The following NQO2 variants were observed in gnomAD, a reference collection of about 807,000 sequenced individuals.
NQO2 encodes ribosyldihydronicotinamide dehydrogenase [quinone].
In NQO2, 18 loss-of-function variants were observed where a neutral mutation model predicts 22.0. The ratio of observed to expected loss-of-function variants is 0.82; its 90% CI spans 0.56 to 1.21. The LOEUF is 1.21. Among genes scored for constraint, NQO2 ranks in the 50% most tolerant of loss-of-function variants. NQO2 has a pLI of 0.00. For missense variants in NQO2, 267 were observed against 286.9 expected (o/e 0.93, Z 0.50); for synonymous variants, 106 against 110.8 (o/e 0.96, Z 0.28).
At chr6:3,005,881 T>C (rs1417411411) in intron 1 of NQO2, 1 of 871,522 alleles carries the variant, frequency 1.1e-6, no homozygotes, top group Non-Finnish European at 1.4e-6. Context: ...GGCCCACAGC[T>C]ACAATGGGCA....
Position 3,015,392 on chromosome 6 carries a change from CATAAGGG to C in NQO2, c.304-137_304-131del. 3 of 1,469,910 alleles carry C rather than the reference CATAAGGG, an allele frequency of 2.0e-6. No individual in the cohort carries two copies. The Admixed American group carries it at 7.0e-5, about 34-fold the overall frequency. The allele number at this position is 1,469,910 out of a possible 1,614,324, so 91.1% of individuals were successfully genotyped here. On this transcript the variant is annotated intron_variant, in intron 4 of 6. Transcript: ENST00000380455. ...CCACACTGCACCTTTCAGAGCTGACCATAAGGGTTACCCTCACCTGCCCAGCTGCCAG... is the reference window on the plus strand; with the variant it reads ...CCACACTGCACCTTTCAGAGCTGACCTTACCCTCACCTGCCCAGCTGCCAG...
At chr6:3,015,718 T>C (rs1306288491) in intron 5 of NQO2, 75 bp downstream of exon 5, 20 of 1,384,846 alleles carry the variant, frequency 1.4e-5, no homozygotes, top group African/African-American at 2.9e-5. Context: ...TATCAAGTTA[T>C]ATTTCTAGTT....
chr6:3,003,885 G>GA (rs1756831935), intron 1 of NQO2: 1 of 152,566 alleles, frequency 6.6e-6, no homozygotes, highest in Non-Finnish European at 1.4e-5. Context: ...TTTCTGCATG[G>GA]AAAATACATA....
rs142443287 is a variant in NQO2, at chr6:3,004,634, C to G, written c.-85-1834C>G. ...CTGGAAGATGCTCATTCAGGCCCTG[C>G]TCAAGATTCCAGTCCTGGTGGGGAT... On this transcript the variant is annotated intron_variant, in intron 1 of 6. Coordinates refer to ENST00000380455, the MANE Select transcript of NQO2 (RefSeq NM_000904.6). 2.1e-4 allele frequency: 204 copies of G among 985,490 alleles called. No individual in the cohort carries two copies. In the African/African-American group the frequency reaches 3.4e-3, roughly 16 times the overall value. The allele number at this position is 985,490 out of a possible 1,614,324, so 61.0% of individuals were successfully genotyped here. A position where few individuals can be genotyped will look rare whatever the true frequency, so the allele number is the denominator to read the frequency against.
intron 4 of NQO2, among the ~76,000 whole-genome samples, chr6:3,013,843 G>A (rs1336693367): frequency 1.3e-5 from 2 of 152,150 alleles, no homozygotes; most frequent in Non-Finnish European, 2.9e-5. Flanking sequence ...TATTATAAGG[G>A]CTCTGGTCAC....
chr6:3,012,610 C>A lies in NQO2; in HGVS notation c.239C>A (p.Ser80Tyr), dbSNP rs915407088. ...ACCCACGAAGCCTACAAGCAAAGGT[C>A]TCTGGCTAGCGACATCACTGATGAG... Reference protein sequence around the residue: ...VETHEAYKQRSLASDITDEQK... With the variant: ...VETHEAYKQRYLASDITDEQK... The change falls in exon 4 of 7, where the codon TCT (serine) becomes TAT (tyrosine). Residue 80 changes from serine (S) to tyrosine (Y), a missense_variant. Ser to Tyr is a moderately radical substitution (Grantham distance 144). Transcript: ENST00000380455. The A allele has an allele frequency of 2.5e-6, 4 of 1,614,160 alleles. No individual in the cohort carries two copies. The highest frequency in any genetic ancestry group is 3.4e-6 in the Non-Finnish European group (4 of 1,180,030).
intron 1 of NQO2, among the ~76,000 whole-genome samples, chr6:3,000,519 C>A (rs998686694): frequency 6.6e-6 from 1 of 151,064 alleles, no homozygotes; most frequent in Non-Finnish European, 1.5e-5. Flanking sequence ...AACCTATAAT[C>A]TCTCTGGGAA....
chr6:3,004,624 T>C (rs1756874984), intron 1 of NQO2: 2 of 985,510 alleles, frequency 2.0e-6, no homozygotes, highest in Non-Finnish European at 2.4e-6. Context: ...AGATGCTCAT[T>C]CAGGCCCTGC....
intron 6 of NQO2, among the ~76,000 whole-genome samples, chr6:3,018,016 C>T (rs1757398669): frequency 1.3e-5 from 2 of 152,186 alleles, no homozygotes; most frequent in East Asian, 1.9e-4. Flanking sequence ...ACAGGCAGTG[C>T]ACATTGACTA....
At chr6:3,009,794 G>C (rs1295043142) in intron 2 of NQO2, 1 of 292,318 alleles carries the variant, frequency 3.4e-6, no homozygotes, top group African/African-American at 2.3e-5. Flanking sequence ...TTGAACCTGG[G>C]AGGCAGAGGT....
At chr6:3,013,254 C>T (rs9378759) in intron 4 of NQO2, among the ~76,000 whole-genome samples, 29,312 of 151,920 alleles carry the variant, frequency 0.19, 3,010 homozygotes, top group Non-Finnish European at 0.22. Context: ...CGCGCCCGGC[C>T]GATGTAACAC....
chr6:3,009,892 G>A, intron 2 of NQO2, 133 bp from the exon 3 acceptor site: 1 of 1,419,234 alleles, frequency 7.0e-7, no homozygotes, highest in Non-Finnish European at 9.2e-7. Context: ...GAGACAGAAA[G>A]AAAAGAAAAT....
rs771514536 is a variant in NQO2 at position 3,006,558 on chromosome 6, A to G, written c.6A>G (p.Ala2=). 52 of 1,607,686 alleles carry G rather than the reference A, an allele frequency of 3.2e-5. No individual in the cohort carries two copies. The highest frequency in any genetic ancestry group is 1.7e-4 in the Middle Eastern group (1 of 6,050). ...GGAATCCACCTTCTTACGCTATGGC[A>G]GGTAATGATTCACTATTGTGGAGTA... The part of the protein sequence containing the change: M[A]GKKVLIVYAH... Residue 2 remains alanine, a splice_region_variant and synonymous_variant, in exon 2 of 7, where the codon GCA becomes GCG. Transcript: ENST00000380455. This position sits in a 1 kb window ranked among gnomAD's most constrained non-coding sequence, Gnocchi z 4.0.
At chr6:3,002,583 T>A (rs1231284268) in intron 1 of NQO2, among the ~76,000 whole-genome samples, 1 of 152,024 alleles carries the variant, frequency 6.6e-6, no homozygotes, top group Non-Finnish European at 1.5e-5. Flanking sequence ...ATGCTGGGAT[T>A]ACAGGTGTGA....
At chr6:3,015,076 T>C (rs2113459153) in intron 4 of NQO2, 1 of 1,290,476 alleles carries the variant, frequency 7.7e-7, no homozygotes, top group African/African-American at 1.5e-5. Context: ...GTCTAAGGAA[T>C]ACAAACATGA....
intron 3 of NQO2, 42 bp downstream of exon 3, chr6:3,010,231 T>A (rs28383624): frequency 0.014 from 21,114 of 1,466,018 alleles, 304 homozygotes; most frequent in South Asian, 0.058. Context: ...AAACCATCTT[T>A]ATGTTTTTTA....
chr6:3,000,642 A>G (rs1254045488), intron 1 of NQO2, among the ~76,000 whole-genome samples: 3 of 151,678 alleles, frequency 2.0e-5, no homozygotes, highest in Non-Finnish European at 4.4e-5. Context: ...CCCGGGTTCA[A>G]GCAATTCTCC....
chr6:3,004,475 C>A (rs1445976290), intron 1 of NQO2: 5 of 985,984 alleles, frequency 5.1e-6, no homozygotes, highest in Non-Finnish European at 6.0e-6. Context: ...GATGTAGCCT[C>A]TTTTCCTTTC....
At chr6:3,015,440 T>C (rs562747245) in intron 4 of NQO2, 90 bp from the exon 5 acceptor site, 13 of 1,515,050 alleles carry the variant, frequency 8.6e-6, no homozygotes, top group Admixed American at 2.1e-5. Flanking sequence ...AGGAGGGCTG[T>C]GGGCTTCATT....
Sources: gnomAD v4.1 joint callset for allele counts (sites outside exome capture counted in the v4.1 genomes callset) on GRCh38, gnomAD v4.1.1 for gene constraint, Gnocchi (gnomAD v3.1) non-coding constraint, MANE v1.5 for transcripts, NCBI Gene and HGNC (gene_info 2026-07-23, HGNC 2026-07-21) for gene names.